The following PDE4D variants were observed in gnomAD, a reference collection of about 807,000 sequenced individuals.
PDE4D encodes the protein 3',5'-cyclic-AMP phosphodiesterase 4D.
A neutral mutation model predicts 87.4 loss-of-function variants in PDE4D; 24 were observed. That is an observed-to-expected ratio of 0.27 (90% CI 0.20 to 0.39). The LOEUF (loss-of-function observed/expected upper bound fraction) is 0.39. Among genes scored for constraint, PDE4D ranks in the 10% least tolerant of loss-of-function variants. The probability of loss-of-function intolerance (pLI) is 1.00; values close to 1 mark genes in which losing one functional copy is unlikely to be tolerated. For synonymous variants in PDE4D, 384 were observed against 383.2 expected, an observed-to-expected ratio of 1.00 and a Z score of -0.02; for missense variants, 714 against 1,041.0, an observed-to-expected ratio of 0.69 and a Z score of 4.32.
At chr5:60,015,498 T>C (rs1765417493) in intron 2 of PDE4D, among the ~76,000 whole-genome samples, 1 of 152,226 alleles carries the variant, frequency 6.6e-6, no homozygotes, top group Non-Finnish European at 1.5e-5. Context: ...GCTGCTATGC[T>C]GTAAAGAAGC....
chr5:59,728,177 A>G (rs1756878009), intron 1 of PDE4D, among the ~76,000 whole-genome samples: 1 of 152,142 alleles, frequency 6.6e-6, no homozygotes, highest in Admixed American at 6.6e-5. Context: ...TTCCCAGGTC[A>G]CACAGTTTGG....
At chr5:59,472,120 G>C (rs1358347681) in intron 1 of PDE4D, among the ~76,000 whole-genome samples, 1 of 152,122 alleles carries the variant, frequency 6.6e-6, no homozygotes, top group Admixed American at 6.6e-5. Context: ...ACTACATACG[G>C]TCTTGGAAAT....
At chr5:59,427,337 A>G (rs986068982) in intron 1 of PDE4D, among the ~76,000 whole-genome samples, 1 of 135,584 alleles carries the variant, frequency 7.4e-6, no homozygotes, top group Non-Finnish European at 1.5e-5. Context: ...ACACACACAC[A>G]CGCCCCTATG....
chr5:59,014,645 G>A (rs992513986), intron 6 of PDE4D, among the ~76,000 whole-genome samples: 2 of 151,470 alleles, frequency 1.3e-5, no homozygotes. Flanking sequence ...AATAAAAGAG[G>A]ACACAAAGCT....
At chr5:60,047,578 C>T (rs951727544) in intron 2 of PDE4D, among the ~76,000 whole-genome samples, 1 of 152,092 alleles carries the variant, frequency 6.6e-6, no homozygotes, top group Non-Finnish European at 1.5e-5. Flanking sequence ...TCTTTGTTCT[C>T]ATTGGTTTCA....
At chr5:59,766,609 T>C (rs1471948450) in intron 1 of PDE4D, among the ~76,000 whole-genome samples, 1 of 152,196 alleles carries the variant, frequency 6.6e-6, no homozygotes, top group South Asian at 2.1e-4. Context: ...GGAACTGCAG[T>C]GATAAAGCAG....
At chr5:60,211,901 G>A (rs1372050717) in intron 1 of PDE4D, among the ~76,000 whole-genome samples, 1 of 152,096 alleles carries the variant, frequency 6.6e-6, no homozygotes, top group East Asian at 1.9e-4. Context: ...ATGTCTTTAT[G>A]TAAGAACACC....
chr5:59,637,775 T>A (rs1050093774), intron 1 of PDE4D, among the ~76,000 whole-genome samples: 12 of 152,068 alleles, frequency 7.9e-5, no homozygotes, highest in African/African-American at 2.9e-4. Context: ...AGGGAAGGGA[T>A]AACATTCGGA....
intron 3 of PDE4D, among the ~76,000 whole-genome samples, chr5:59,979,639 A>T (rs929239570): frequency 6.6e-6 from 1 of 152,184 alleles, no homozygotes; most frequent in Non-Finnish European, 1.5e-5. Context: ...TGTTGCATAC[A>T]TGACTTCAAA....
chr5:59,662,499 T>C (rs906641956), intron 1 of PDE4D, among the ~76,000 whole-genome samples: 1 of 152,190 alleles, frequency 6.6e-6, no homozygotes, highest in Non-Finnish European at 1.5e-5. Flanking sequence ...ACGTATAATC[T>C]TATTACTCAT....
chr5:59,966,032 C>T (rs1289039011), intron 3 of PDE4D, among the ~76,000 whole-genome samples: 1 of 152,176 alleles, frequency 6.6e-6, no homozygotes, highest in Non-Finnish European at 1.5e-5. Context: ...AAGGTCAGCC[C>T]TTTCCATTGC....
intron 1 of PDE4D, among the ~76,000 whole-genome samples, chr5:60,486,805 A>T (rs763620182): frequency 2.0e-5 from 3 of 152,224 alleles, no homozygotes; most frequent in Non-Finnish European, 4.4e-5. Context: ...ACATAGCACA[A>T]ATACATACAT....
chr5:59,695,873 T>G (rs1235782812), intron 1 of PDE4D, among the ~76,000 whole-genome samples: 1 of 152,172 alleles, frequency 6.6e-6, no homozygotes, highest in African/African-American at 2.4e-5. Flanking sequence ...CCTCCCAAAG[T>G]GCTGAGATTA....
intron 1 of PDE4D, among the ~76,000 whole-genome samples, chr5:59,694,170 C>T (rs956610487): frequency 1.3e-5 from 2 of 152,278 alleles, no homozygotes; most frequent in Non-Finnish European, 2.9e-5. Flanking sequence ...TCTTTTCAAA[C>T]GAAATGAAAC....
chr5:59,867,242 C>T (rs1747172302), intron 1 of PDE4D, among the ~76,000 whole-genome samples: 1 of 151,926 alleles, frequency 6.6e-6, no homozygotes, highest in South Asian at 2.1e-4. Context: ...CTTCTATGAC[C>T]TGGCAATGGT....
At chr5:59,771,485 G>GAAAGAAAGAAAGAAAGAA (rs56311484) in intron 1 of PDE4D, among the ~76,000 whole-genome samples, 27 of 70,706 alleles carry the variant, frequency 3.8e-4, no homozygotes, top group Non-Finnish European at 6.0e-4. Flanking sequence ...AAGAAAGAAA[G>GAAAGAAAGAAAGAAAGAA]AGAGAGAGAG....
intron 5 of PDE4D, among the ~76,000 whole-genome samples, chr5:59,098,542 TAA>T (rs59464520): frequency 0.015 from 2,144 of 146,834 alleles, 60 homozygotes; most frequent in African/African-American, 0.049. Context: ...TACAAAAAAT[TAA>T]AAAAAAAAAA....
intron 1 of PDE4D, among the ~76,000 whole-genome samples, chr5:60,376,292 C>T (rs1490265551): frequency 6.6e-6 from 1 of 152,116 alleles, no homozygotes; most frequent in African/African-American, 2.4e-5. Context: ...TTATCATCAT[C>T]CTTATTTAAC....
chr5:59,892,964 A>G (rs1751179493), intron 1 of PDE4D, among the ~76,000 whole-genome samples: 1 of 151,170 alleles, frequency 6.6e-6, no homozygotes, highest in Non-Finnish European at 1.5e-5. Flanking sequence ...TTTATGCAGT[A>G]CTTTTGGGGG....
Sources: allele counts gnomAD v4.1 joint callset (sites outside exome capture counted in the v4.1 genomes callset), GRCh38; gene constraint gnomAD v4.1.1; transcripts MANE v1.5; gene names NCBI Gene and HGNC (gene_info 2026-07-23, HGNC 2026-07-21).